SMOC2: variants seen among roughly 807,000 people sequenced by gnomAD.
SMOC2 encodes SPARC related modular calcium binding 2.
SMOC2 carries 39 observed loss-of-function variants against 61.4 expected under a neutral mutation model. The ratio of observed to expected loss-of-function variants is 0.64; its 90% CI spans 0.49 to 0.83. SMOC2 has a LOEUF of 0.83. Among genes scored for constraint, SMOC2 ranks in the 40% least tolerant of loss-of-function variants. SMOC2 has a pLI of 0.00. For synonymous variants in SMOC2, 247 were observed against 239.9 expected (o/e 1.03, Z -0.27); for missense variants, 556 against 592.9 (o/e 0.94, Z 0.65).
chr6:168,584,423 A>T (rs1212846038), intron 7 of SMOC2, among the ~76,000 whole-genome samples: 2 of 152,314 alleles, frequency 1.3e-5, no homozygotes, highest in East Asian at 3.9e-4. Flanking sequence ...AAACTTGCAT[A>T]GATAAAGCCA....
chr6:168,457,471 C>T (rs1168944692), intron 1 of SMOC2, among the ~76,000 whole-genome samples: 2 of 152,220 alleles, frequency 1.3e-5, no homozygotes, highest in Non-Finnish European at 2.9e-5. Flanking sequence ...CTTGTGTTTC[C>T]CGTCGGGTGC....
Position 168,667,885 on chromosome 6 carries a change from G to A in SMOC2, c.*1447G>A, listed in dbSNP as rs1787701914. The A allele has an allele frequency of 6.6e-6, 1 of 152,116 alleles. No homozygotes were observed. The highest frequency in any genetic ancestry group is 1.5e-5 in the Non-Finnish European group (1 of 68,026). The allele number at this position is 152,116 out of a possible 1,614,324, so 9.4% of individuals were successfully genotyped here. A position where few individuals can be genotyped will look rare whatever the true frequency, so the allele number is the denominator to read the frequency against. ...ACCAGCTCAAGTACATGCCAATGTT[G>A]TTTAAGAAACAGTTATGATCCTAAA... On this transcript the variant is annotated 3_prime_UTR_variant, in exon 13 of 13. Transcript: ENST00000356284.
chr6:168,664,382 ATCTTTTTT>A lies in SMOC2; in HGVS notation c.1323+273_1323+280del, dbSNP rs1352584935. ...ATTTCTGAGTTTCCTTGTTTGGTAG[ATCTTTTTT>A]TTTTTTTTTTTTTTTTTTTTTTTTT... On this transcript the variant is annotated intron_variant, in intron 12 of 12. Transcript: ENST00000356284. The A allele has an allele frequency of 5.3e-4, 159 of 302,542 alleles. 1 individual carries two copies. Among genetic ancestry groups the A allele is most frequent in the African/African-American group, 2.1e-3 (48 of 23,142 alleles). The allele number at this position is 302,542 out of a possible 1,614,324, so 18.7% of individuals were successfully genotyped here.
At chr6:168,615,343 GCCTCTTC>G (rs1786047053) in intron 9 of SMOC2, among the ~76,000 whole-genome samples, 1 of 67,936 alleles carries the variant, frequency 1.5e-5, no homozygotes. Context: ...CCAGCACAGG[GCCTCTTC>G]ACACCTACAG....
intron 12 of SMOC2, chr6:168,664,384 CTTTTTTTTTTTTTTTTTTTT>C (rs750178882): frequency 4.5e-5 from 15 of 330,356 alleles, no homozygotes; most frequent in South Asian, 1.1e-4. Context: ...TTTGGTAGAT[CTTTTTTTTTTTTTTTTTTTT>C]TTTTTTTTTT....
At chr6:168,457,118 G>C (rs189638084) in intron 1 of SMOC2, among the ~76,000 whole-genome samples, 1 of 152,174 alleles carries the variant, frequency 6.6e-6, no homozygotes, top group Non-Finnish European at 1.5e-5. Flanking sequence ...CAGGCACAGC[G>C]CGGCCGCCAC....
At chr6:168,531,823 C>T (rs1783609810) in intron 4 of SMOC2, among the ~76,000 whole-genome samples, 1 of 152,204 alleles carries the variant, frequency 6.6e-6, no homozygotes, top group Non-Finnish European at 1.5e-5. Context: ...TCTTTGTCTC[C>T]ATAACCCATG....
intron 7 of SMOC2, among the ~76,000 whole-genome samples, chr6:168,568,989 T>C (rs955144421): frequency 6.6e-6 from 1 of 152,214 alleles, no homozygotes; most frequent in Non-Finnish European, 1.5e-5. Flanking sequence ...TTTTTGACAA[T>C]TATGAATAAA....
intron 1 of SMOC2, among the ~76,000 whole-genome samples, chr6:168,467,468 G>A (rs1006678224): frequency 6.6e-6 from 1 of 151,970 alleles, no homozygotes; most frequent in East Asian, 1.9e-4. Flanking sequence ...CACCACACCC[G>A]GCTAATTTTT....
intron 1 of SMOC2, among the ~76,000 whole-genome samples, chr6:168,447,594 TG>T (rs1781358610): frequency 6.6e-6 from 1 of 152,054 alleles, no homozygotes; most frequent in African/African-American, 2.4e-5. Context: ...CAGACATTTT[TG>T]GGGGGAAAGG....
At chr6:168,634,641 C>A (rs561487933) in intron 9 of SMOC2, among the ~76,000 whole-genome samples, 1 of 152,166 alleles carries the variant, frequency 6.6e-6, no homozygotes, top group Non-Finnish European at 1.5e-5. Context: ...GTTTTCCAAG[C>A]GCTAGGCTAC....
intron 1 of SMOC2, among the ~76,000 whole-genome samples, chr6:168,442,876 A>T (rs927262756): frequency 4.6e-5 from 7 of 152,252 alleles, no homozygotes; most frequent in African/African-American, 1.7e-4. Flanking sequence ...TGGGGCTCCA[A>T]GGAGGTTTTC....
Position 168,650,797 on chromosome 6 carries a change from G to C in SMOC2, c.1010+14G>C. On this transcript the variant is annotated intron_variant, in intron 10 of 12. Coordinates refer to ENST00000356284, the MANE Select transcript of SMOC2 (RefSeq NM_001166412.2). ...CTCGTCAGGCAGGTACGCTGTGTTC[G>C]CCGTGGGACAACAAGTTGGCAGGGT... 1 of 1,602,226 alleles carries C rather than the reference G, an allele frequency of 6.2e-7. No individual in the cohort carries two copies. The highest frequency in any genetic ancestry group is 8.5e-7 in the Non-Finnish European group (1 of 1,176,220).
intron 7 of SMOC2, among the ~76,000 whole-genome samples, chr6:168,564,232 G>C (rs535037228): frequency 2.0e-5 from 3 of 151,812 alleles, no homozygotes; most frequent in Non-Finnish European, 4.4e-5. Flanking sequence ...TGATTCACAC[G>C]TATTTTCTTC....
chr6:168,517,733 G>T (rs1401692125), intron 2 of SMOC2, among the ~76,000 whole-genome samples: 1 of 151,990 alleles, frequency 6.6e-6, no homozygotes, highest in Admixed American at 6.6e-5. Flanking sequence ...GGAGGACCCC[G>T]CCTTTTCCTC....
chr6:168,560,063 T>C (rs1230051850), intron 7 of SMOC2, among the ~76,000 whole-genome samples: 1 of 152,234 alleles, frequency 6.6e-6, no homozygotes, highest in East Asian at 1.9e-4. Context: ...ACCACACATG[T>C]ACTTCATAAT....
At chr6:168,611,768 G>A (rs979635966) in intron 9 of SMOC2, among the ~76,000 whole-genome samples, 7 of 152,142 alleles carry the variant, frequency 4.6e-5, no homozygotes, top group Non-Finnish European at 7.4e-5. Context: ...TGTGGCTCCC[G>A]TGTCTGAGCC....
At chr6:168,565,616 A>G (rs1479049397) in intron 7 of SMOC2, among the ~76,000 whole-genome samples, 1 of 152,262 alleles carries the variant, frequency 6.6e-6, no homozygotes, top group African/African-American at 2.4e-5. Context: ...CATAACAAGC[A>G]GGATAGAATT....
Position 168,633,718 on chromosome 6 carries a change from C to T in SMOC2, c.908-16963C>T, listed in dbSNP as rs1786632626. ...CAGGGTGTGAAAGCAGGAGGGTGTT[C>T]TTGGAGCAGAGACACTGTCATTTTG... is the stretch of plus-strand genomic sequence containing the variant. On this transcript the variant is annotated intron_variant, in intron 9 of 12. Transcript: ENST00000356284. 2.0e-5 allele frequency among the ~76,000 whole-genome samples: 3 copies of T among 152,102 alleles called. No homozygotes were observed. The South Asian group carries it at 6.2e-4, about 32-fold the overall frequency.
Sources: allele counts gnomAD v4.1 joint callset (sites outside exome capture counted in the v4.1 genomes callset), GRCh38; gene constraint gnomAD v4.1.1; transcripts MANE v1.5; gene names NCBI Gene and HGNC (gene_info 2026-07-23, HGNC 2026-07-21).